The following AKAP3 variants were observed in gnomAD, a reference collection of about 807,000 sequenced individuals.
The protein encoded by AKAP3 is A-kinase anchoring protein 3, also known as A-kinase anchor protein 3.
AKAP3 carries 27 observed loss-of-function variants against 57.2 expected under a neutral mutation model. The ratio of observed to expected loss-of-function variants is 0.47; its 90% CI spans 0.35 to 0.65. The LOEUF is 0.65. AKAP3 is among the 30% of genes least tolerant of loss of function. The pLI is 0.01. For synonymous variants in AKAP3, 334 were observed against 392.3 expected (o/e 0.85, Z 1.76); for missense variants, 959 against 1,040.0 (o/e 0.92, Z 1.07).
chr12:4,627,437 C>T lies in AKAP3; in HGVS notation c.1465G>A (p.Ala489Thr). 1 of 1,613,894 alleles carries T rather than the reference C, an allele frequency of 6.2e-7. No individual in the cohort carries two copies. Among genetic ancestry groups the T allele is most frequent in the East Asian group, 2.2e-5 (1 of 44,870 alleles). ...GGGTACTCAAAGGAAATGTCTGATG[C>T]AGGCTTACGCTGTGTGTTGGGAGCT... is the stretch of plus-strand genomic sequence containing the variant. ...FEAPNTQRKP[A>T]SDISFEYPED... Residue 489 changes from alanine (A) to threonine (T), a missense_variant, in exon 5 of 6, where the codon GCA (alanine) becomes ACA (threonine). Ala to Thr is a moderately conservative substitution (Grantham distance 58, BLOSUM62 0). Coordinates refer to ENST00000228850, the MANE Select transcript of AKAP3 (RefSeq NM_001278309.2).
chr12:4,638,758 T>C (rs1001959870), intron 3 of AKAP3, among the ~76,000 whole-genome samples: 4 of 152,230 alleles, frequency 2.6e-5, no homozygotes, highest in Admixed American at 2.6e-4. Context: ...TCTCAGCCTC[T>C]ATGGTTCAGC....
chr12:4,647,460 CCCAGGAATTTGAGA>C (rs1945713003), intron 1 of AKAP3, among the ~76,000 whole-genome samples: 1 of 151,458 alleles, frequency 6.6e-6, no homozygotes, highest in Non-Finnish European at 1.5e-5. Context: ...AGGTCTTGAG[CCCAGGAATTTGAGA>C]CAAGCCTGGG....
chr12:4,631,029 G>A (rs552384859), intron 4 of AKAP3, among the ~76,000 whole-genome samples: 151 of 152,178 alleles, frequency 9.9e-4, no homozygotes, highest in African/African-American at 3.4e-3. Context: ...GGAGATAAAT[G>A]TCCTCATGAA....
chr12:4,628,182 G>T lies in AKAP3; in HGVS notation c.720C>A (p.Phe240Leu). ...PDDKPPSKKS[F>L]FYKEVFESRN... ...GAGATTCAAACACTTCCTTATAGAA[G>T]AAAGACTTCTTAGAAGGAGGCTTGT... Residue 240 changes from phenylalanine to leucine, a missense_variant, in exon 5 of 6, where the codon TTC (phenylalanine) becomes TTA (leucine). Coordinates refer to ENST00000228850, the MANE Select transcript of AKAP3 (RefSeq NM_001278309.2). The T allele has an allele frequency of 6.2e-7, 1 of 1,614,148 alleles. No individual in the cohort carries two copies. The highest frequency in any genetic ancestry group is 1.3e-5 in the African/African-American group (1 of 75,042).
chr12:4,642,372 T>C (rs1405461222), intron 2 of AKAP3, among the ~76,000 whole-genome samples: 1 of 152,228 alleles, frequency 6.6e-6, no homozygotes, highest in East Asian at 1.9e-4. Context: ...GCACCCTGAA[T>C]TTATGGAACT....
intron 3 of AKAP3, among the ~76,000 whole-genome samples, chr12:4,638,449 T>TAACA (rs1490509745): frequency 2.6e-5 from 4 of 152,140 alleles, no homozygotes; most frequent in African/African-American, 9.7e-5. Flanking sequence ...GACAGGTGCT[T>TAACA]AACACATCTT....
intron 5 of AKAP3, among the ~76,000 whole-genome samples, chr12:4,626,156 T>C (rs1945409359): frequency 6.6e-6 from 1 of 152,176 alleles, no homozygotes; most frequent in Non-Finnish European, 1.5e-5. Flanking sequence ...TCTCATCCTT[T>C]GAGCAATGCT....
intron 4 of AKAP3, among the ~76,000 whole-genome samples, chr12:4,629,869 A>G (rs951644464): frequency 1.4e-4 from 21 of 152,138 alleles, no homozygotes; most frequent in Admixed American, 1.0e-3. Context: ...ATGGCTTCCA[A>G]TGGACTGACA....
intron 5 of AKAP3, among the ~76,000 whole-genome samples, chr12:4,622,990 G>A (rs1945364089): frequency 6.6e-6 from 1 of 152,156 alleles, no homozygotes; most frequent in South Asian, 2.1e-4. Flanking sequence ...TGCAAAAGAA[G>A]ACATACGTGT....
At chr12:4,633,052 G>GT (rs1175270332) in intron 4 of AKAP3, among the ~76,000 whole-genome samples, 2 of 151,668 alleles carry the variant, frequency 1.3e-5, no homozygotes, top group Non-Finnish European at 2.9e-5. Context: ...CTATTGAGCT[G>GT]TAACAGTACA....
intron 5 of AKAP3, among the ~76,000 whole-genome samples, chr12:4,620,417 C>T (rs551814378): frequency 7.7e-6 from 1 of 129,732 alleles, no homozygotes; most frequent in South Asian, 2.4e-4. Context: ...GCGGAGGTTG[C>T]AGTGAGCCAC....
intron 2 of AKAP3, 170 bp from the exon 3 acceptor site, chr12:4,642,174 G>C (rs971498713): frequency 1.3e-5 from 2 of 152,162 alleles, no homozygotes; most frequent in African/African-American, 2.4e-5. Context: ...ATGCAGTCTA[G>C]CAGTTCCAAG....
At chr12:4,622,977 CTT>C (rs1269422632) in intron 5 of AKAP3, among the ~76,000 whole-genome samples, 3 of 152,126 alleles carry the variant, frequency 2.0e-5, no homozygotes, top group Non-Finnish European at 2.9e-5. Context: ...CAAACAGACT[CTT>C]TGCAAAAGAA....
intron 2 of AKAP3, among the ~76,000 whole-genome samples, chr12:4,643,225 C>A (rs547640158): frequency 1.3e-5 from 2 of 152,176 alleles, no homozygotes; most frequent in East Asian, 3.9e-4. Context: ...CATCATGAAG[C>A]TTGTTTTGGA....
In AKAP3 at chr12:4,615,658, G is replaced by A. The variant is rs1430206542; in HGVS notation, c.*81C>T. The A allele has an allele frequency of 2.0e-6, 3 of 1,500,066 alleles. No individual in the cohort carries two copies. The highest frequency in any genetic ancestry group is 2.7e-6 in the Non-Finnish European group (3 of 1,099,628). The allele number at this position is 1,500,066 out of a possible 1,614,324, so 92.9% of individuals were successfully genotyped here. A position where few individuals can be genotyped will look rare whatever the true frequency, so the allele number is the denominator to read the frequency against. On this transcript the variant is annotated 3_prime_UTR_variant, in exon 6 of 6. Coordinates refer to ENST00000228850, the MANE Select transcript of AKAP3 (RefSeq NM_001278309.2). ...TAGGGCTCTGTGAGGATATAGAGGG[G>A]GAGATGTGGAAGTGAGAAAGAAGGG...
chr12:4,646,925 G>T (rs1207683637), intron 1 of AKAP3, among the ~76,000 whole-genome samples: 1 of 151,980 alleles, frequency 6.6e-6, no homozygotes, highest in Non-Finnish European at 1.5e-5. Context: ...TGGGATTACA[G>T]GTGCACACCA....
At position 4,626,763 on chromosome 12, in the gene AKAP3, ACTAT is replaced by A; in HGVS notation, c.2135_2138del (p.Asp712ValfsTer29). 1 of 1,612,774 alleles carries A rather than the reference ACTAT, an allele frequency of 6.2e-7. No homozygotes were observed. Among genetic ancestry groups the A allele is most frequent in the Non-Finnish European group, 8.5e-7 (1 of 1,179,920 alleles). On this transcript the variant is annotated frameshift_variant, in exon 5 of 6. Transcript: ENST00000228850. LOFTEE classifies it high-confidence loss of function. ...CCTTGGCTGGTAAGCACTCATATAA[ACTAT>A]CTGGGAAGGCCGAAGTTAGCCTACT...
At chr12:4,631,625 A>T (rs1945500075) in intron 4 of AKAP3, among the ~76,000 whole-genome samples, 1 of 152,220 alleles carries the variant, frequency 6.6e-6, no homozygotes, top group Admixed American at 6.5e-5. Context: ...ACACACACGT[A>T]AATTACATAT....
At chr12:4,637,148 C>G (rs950050181) in intron 4 of AKAP3, among the ~76,000 whole-genome samples, 2 of 152,224 alleles carry the variant, frequency 1.3e-5, no homozygotes, top group Non-Finnish European at 2.9e-5. Context: ...ATATCTCTGA[C>G]CCTGACAGTC....
Sources: allele counts gnomAD v4.1 joint callset (sites outside exome capture counted in the v4.1 genomes callset), GRCh38; gene constraint gnomAD v4.1.1; transcripts MANE v1.5; gene names NCBI Gene and HGNC (gene_info 2026-07-23, HGNC 2026-07-21).